Variants in PKN3 observed in about 807,000 individuals in gnomAD.
PKN3 encodes protein kinase N3.
A neutral mutation model predicts 113.1 loss-of-function variants in PKN3; 91 were observed. That is an observed-to-expected ratio of 0.80 (90% confidence interval 0.68 to 0.96). The LOEUF (loss-of-function observed/expected upper bound fraction) is 0.96. Among genes scored for constraint, PKN3 ranks in the 40% least tolerant of loss-of-function variants. The pLI is 0.00. For synonymous variants in PKN3, 467 were observed against 499.0 expected, an observed-to-expected ratio of 0.94 and a Z score of 0.85; for missense variants, 1,052 against 1,202.2, an observed-to-expected ratio of 0.88 and a Z score of 1.85.
Position 128,705,562 on chromosome 9 carries a change from C to G in PKN3, c.265+19C>G. 1 of 1,552,480 alleles carries G rather than the reference C, an allele frequency of 6.4e-7. No homozygotes were observed. The highest frequency in any genetic ancestry group is 8.7e-7 in the Non-Finnish European group (1 of 1,148,818). ...CCAGCTGGTGAGTGAGGAGCTGAGA[C>G]CCCCTCAGGACAGAAGGCTCTAGGC... On this transcript the variant is annotated intron_variant, in intron 2 of 21. Transcript: ENST00000291906.
intron 16 of PKN3, among the ~76,000 whole-genome samples, chr9:128,717,700 C>T (rs1371809104): frequency 1.5e-5 from 2 of 136,126 alleles, no homozygotes; most frequent in Admixed American, 7.8e-5. Context: ...TTCGGTCTGG[C>T]GACAGAGTGA....
chr9:128,718,522 C>G (rs1314550519), intron 17 of PKN3, 27 bp from the exon 18 acceptor site: 4 of 1,611,484 alleles, frequency 2.5e-6, no homozygotes, highest in Non-Finnish European at 3.4e-6. Context: ...CCCACTCAGT[C>G]CCTTTGATCT....
At chr9:128,719,643 T>C (rs1307505360) in intron 18 of PKN3, 43 bp from the exon 19 acceptor site, 3 of 1,518,356 alleles carry the variant, frequency 2.0e-6, no homozygotes, top group Non-Finnish European at 2.6e-6. Context: ...TTATTGTGAA[T>C]AGGCCACACC....
chr9:128,720,415 C>G lies in PKN3; in HGVS notation c.2479C>G (p.Leu827Val). The G allele has an allele frequency of 2.5e-6, 4 of 1,613,194 alleles. No homozygotes were observed. The highest frequency in any genetic ancestry group is 3.4e-6 in the Non-Finnish European group (4 of 1,179,968). Residue 827 changes from leucine to valine, a missense_variant, in exon 22 of 22, where the codon CTC (leucine) becomes GTC (valine). Physicochemically the swap from Leu to Val is conservative, Grantham distance 32. Around this residue, in one of 2 missense-constraint regions of PKN3, gnomAD observed 333 missense variants for 442.8 expected, o/e 0.75. Coordinates refer to ENST00000291906, the MANE Select transcript of PKN3 (RefSeq NM_013355.5). This position sits in a 1 kb window ranked among gnomAD's most constrained non-coding sequence, Gnocchi z 5.5. ...TCAGACCACCAACTGGCAAGCCCTG[C>G]TCGCCCGCACCATCCAGCCCCCCTT... ...FFRTTNWQALLARTIQPPFVP... is the reference protein window; with the variant it reads ...FFRTTNWQALVARTIQPPFVP...
rs376284326 is a variant in PKN3, at chr9:128,707,458, C to T, written c.835+53C>T. 1.0e-3 allele frequency: 1,521 copies of T among 1,463,400 alleles called. 31 individuals are homozygous for T. In the South Asian group the frequency reaches 0.017, roughly 17 times the overall value. 90.7% of individuals were successfully genotyped at this position (1,463,400 alleles called of 1,614,324 possible). ...GCTCTCCTTCTTTTTGGGGGGAGGCCGGAAGCACAAACAACTCTGATGAAG... is the reference window on the plus strand; with the variant it reads ...GCTCTCCTTCTTTTTGGGGGGAGGCTGGAAGCACAAACAACTCTGATGAAG... On this transcript the variant is annotated intron_variant, in intron 6 of 21. Transcript: ENST00000291906.
chr9:128,703,399 G>A (rs1397456061), intron 1 of PKN3: 2 of 985,322 alleles, frequency 2.0e-6, no homozygotes. Context: ...CCTTCCCGGA[G>A]CACAGGAGGC....
chr9:128,717,317 G>T (rs1243903076), intron 16 of PKN3, among the ~76,000 whole-genome samples: 1 of 150,272 alleles, frequency 6.7e-6, no homozygotes, highest in Non-Finnish European at 1.5e-5. Flanking sequence ...TAGTAGAGAC[G>T]AGGTTTCTCC....
At chr9:128,712,860 A>G (rs1342139803) in intron 6 of PKN3, among the ~76,000 whole-genome samples, 192 bp from the exon 7 acceptor site, 2 of 152,096 alleles carry the variant, frequency 1.3e-5, no homozygotes, top group African/African-American at 4.8e-5. Flanking sequence ...GACAGTCAGC[A>G]GGCTCCAGTC....
chr9:128,713,672 T>C (rs4837297), intron 9 of PKN3, 30 bp downstream of exon 9: 1,606,870 of 1,610,892 alleles, frequency 1, 801,508 homozygotes, highest in East Asian at 1. Context: ...TCTGACTTGG[T>C]GGGACCCTGG....
chr9:128,708,286 G>A (rs921421020), intron 6 of PKN3, among the ~76,000 whole-genome samples: 3 of 152,046 alleles, frequency 2.0e-5, no homozygotes, highest in African/African-American at 7.2e-5. Context: ...GGAGGCTAAG[G>A]CAGGAGAATT....
At chr9:128,716,708 A>C in intron 15 of PKN3, 39 bp from the exon 16 acceptor site, 1 of 1,562,130 alleles carries the variant, frequency 6.4e-7, no homozygotes, top group Non-Finnish European at 8.8e-7. Flanking sequence ...GCCCAGGGAA[A>C]GTTTTCCTTC....
At chr9:128,703,657 G>A (rs1589473132) in intron 1 of PKN3, 1 of 985,426 alleles carries the variant, frequency 1.0e-6, no homozygotes, top group Non-Finnish European at 1.2e-6. Context: ...CGCAAAGAGC[G>A]GAAAGGAGGT....
intron 1 of PKN3, chr9:128,703,332 T>G (rs1209531342): frequency 4.4e-5 from 43 of 973,614 alleles, no homozygotes; most frequent in Non-Finnish European, 5.1e-5. Flanking sequence ...CCTGGGGGGG[T>G]TAGAATGTGC....
At chr9:128,713,031 C>G in intron 6 of PKN3, 21 bp from the exon 7 acceptor site, 1 of 1,576,310 alleles carries the variant, frequency 6.3e-7, no homozygotes, top group Non-Finnish European at 8.6e-7. Context: ...TGACAACGCC[C>G]CCCGCTCACT....
In PKN3 at chr9:128,714,863, C is replaced by T. The variant is rs759669793; in HGVS notation, c.1650C>T (p.Thr550=). 1 of 1,613,708 alleles carries T rather than the reference C, an allele frequency of 6.2e-7. No homozygotes were observed. The highest frequency in any genetic ancestry group is 1.1e-5 in the South Asian group (1 of 91,082). ...RRGPSPPASP[T]RKPPRLQDFR... ...GGCCATCTCCACCAGCCTCCCCCAC[C>T]AGGTACCCCATCCTGCGCACCTTCA... Residue 550 remains threonine, a splice_region_variant and synonymous_variant, in exon 13 of 22, where the codon ACC becomes ACT. Transcript: ENST00000291906.
intron 12 of PKN3, 44 bp downstream of exon 12, chr9:128,714,708 C>A: frequency 7.2e-7 from 1 of 1,391,122 alleles, no homozygotes; most frequent in Non-Finnish European, 1.0e-6. Context: ...CCGGCTGGGG[C>A]TGGCAGGGCC....
chr9:128,705,279 C>T (rs1322242830), intron 1 of PKN3, 24 bp from the exon 2 acceptor site: 3 of 1,549,068 alleles, frequency 1.9e-6, no homozygotes, highest in Non-Finnish European at 2.6e-6. Flanking sequence ...GTTCTCCACC[C>T]TCTGCTTTCC....
Position 128,716,768 on chromosome 9 carries a change from C to T in PKN3, c.1830C>T (p.Ile610=), listed in dbSNP as rs1477013409. ...EIESLYCEKR[I]LEAVGCTGHP... is the part of the protein sequence containing the mutation. Reference sequence around the variant, plus strand: ...GTAGCCTGTACTGCGAGAAGCGGATCCTGGAGGCTGTGGGCTGCACAGGGC... The same window carrying T: ...GTAGCCTGTACTGCGAGAAGCGGATTCTGGAGGCTGTGGGCTGCACAGGGC... The change falls in exon 16 of 22, where the codon ATC becomes ATT. Residue 610 remains isoleucine (I), a synonymous_variant. Coordinates refer to ENST00000291906, the MANE Select transcript of PKN3 (RefSeq NM_013355.5). 3.1e-6 allele frequency: 5 copies of T among 1,613,930 alleles called. No homozygotes were observed. The highest frequency in any genetic ancestry group is 4.2e-6 in the Non-Finnish European group (5 of 1,179,876).
intron 1 of PKN3, chr9:128,704,192 C>T: frequency 1.0e-6 from 1 of 961,746 alleles, no homozygotes; most frequent in Non-Finnish European, 1.2e-6. Context: ...GGCCTGAGGT[C>T]ACCTTTGGCA....
Sources: allele counts gnomAD v4.1 joint callset (sites outside exome capture counted in the v4.1 genomes callset), GRCh38; gene constraint gnomAD v4.1.1; regional missense constraint gnomAD v4.1.1; non-coding constraint Gnocchi (gnomAD v3.1); transcripts MANE v1.5; gene names NCBI Gene and HGNC (gene_info 2026-07-23, HGNC 2026-07-21).